The following CACNG2 variants were observed in gnomAD, a reference collection of about 807,000 sequenced individuals.
CACNG2 encodes voltage-dependent calcium channel gamma-2 subunit.
A neutral mutation model predicts 25.9 loss-of-function variants in CACNG2; 3 were observed. That is an observed-to-expected ratio of 0.12 (90% CI 0.05 to 0.30). CACNG2 has a LOEUF of 0.30. Among genes scored for constraint, CACNG2 ranks in the 10% least tolerant of loss-of-function variants. CACNG2 has a pLI of 1.00. For missense variants in CACNG2, 341 were observed against 432.5 expected (o/e 0.79, Z 1.88); for synonymous variants, 167 against 173.3 (o/e 0.96, Z 0.29).
At chr22:36,678,277 G>T (rs1569049491) in intron 1 of CACNG2, among the ~76,000 whole-genome samples, 1 of 152,178 alleles carries the variant, frequency 6.6e-6, no homozygotes, top group East Asian at 1.9e-4. Flanking sequence ...TTTGGGGTAG[G>T]AGGAGGAAAG....
At chr22:36,655,461 A>G (rs1384292399) in intron 1 of CACNG2, among the ~76,000 whole-genome samples, 1 of 152,106 alleles carries the variant, frequency 6.6e-6, no homozygotes, top group African/African-American at 2.4e-5. Flanking sequence ...CTGTATGCCA[A>G]TTTGTTAGTT....
intron 1 of CACNG2, among the ~76,000 whole-genome samples, chr22:36,674,779 G>A (rs75430428): frequency 0.042 from 6,448 of 152,266 alleles, 262 homozygotes; most frequent in African/African-American, 0.095. Context: ...CTGGGAAGAG[G>A]GAGGTAGGGT....
chr22:36,658,898 A>G (rs538743120), intron 1 of CACNG2, among the ~76,000 whole-genome samples: 1 of 151,960 alleles, frequency 6.6e-6, no homozygotes, highest in Middle Eastern at 3.4e-3. Flanking sequence ...GGAGCCTGGT[A>G]TTGGGGTGGG....
chr22:36,693,032 G>C (rs1937285669), intron 1 of CACNG2, among the ~76,000 whole-genome samples: 1 of 152,118 alleles, frequency 6.6e-6, no homozygotes, highest in Non-Finnish European at 1.5e-5. Context: ...TGTAATCCCA[G>C]CTACTCGGGA....
intron 1 of CACNG2, among the ~76,000 whole-genome samples, chr22:36,679,193 CCTTCCTTTCTTT>C (rs1184671241): frequency 0.011 from 527 of 49,140 alleles, 1 homozygote; most frequent in South Asian, 0.035. Context: ...TTCCTTCCTT[CCTTCCTTTCTTT>C]CTTTCTTTCT....
At chr22:36,624,360 C>T (rs1030512317) in intron 1 of CACNG2, among the ~76,000 whole-genome samples, 1 of 152,094 alleles carries the variant, frequency 6.6e-6, no homozygotes, top group Admixed American at 6.5e-5. Flanking sequence ...GTCAGTGCCC[C>T]GAGCCCTGTA....
intron 1 of CACNG2, among the ~76,000 whole-genome samples, 158 bp downstream of exon 1, chr22:36,702,208 C>T (rs762040768): frequency 1.1e-4 from 17 of 151,512 alleles, no homozygotes; most frequent in Non-Finnish European, 1.9e-4. Context: ...GATTTTCTTT[C>T]CTCTGAAACT....
chr22:36,681,859 A>G (rs573566292), intron 1 of CACNG2, among the ~76,000 whole-genome samples: 1 of 152,286 alleles, frequency 6.6e-6, no homozygotes, highest in South Asian at 2.1e-4. Context: ...GATCCAGCCC[A>G]TGGTAGCTGG....
At chr22:36,598,350 G>A (rs1935706169) in intron 1 of CACNG2, among the ~76,000 whole-genome samples, 1 of 152,224 alleles carries the variant, frequency 6.6e-6, no homozygotes, top group Admixed American at 6.5e-5. Context: ...AGGCATGGTG[G>A]TTCATGCCTA....
At position 36,702,835 on chromosome 22, in the gene CACNG2, GT is replaced by G. The variant is rs779839866; in HGVS notation, c.-260del. On this transcript the variant is annotated 5_prime_UTR_variant, in exon 1 of 4. Transcript: ENST00000300105. ...GATCAGAAACTGTTCCAGTTGCAGTGTTTTTTTTTTAAAAAGAAAAGGAAAA... is the reference window on the plus strand; with the variant it reads ...GATCAGAAACTGTTCCAGTTGCAGTGTTTTTTTTTAAAAAGAAAAGGAAAA... 186 of 229,424 alleles carry G rather than the reference GT, an allele frequency of 8.1e-4. No individual in the cohort carries two copies. Among genetic ancestry groups the G allele is most frequent in the Middle Eastern group, 5.4e-3 (4 of 744 alleles). 14.2% of individuals were successfully genotyped at this position (229,424 alleles called of 1,614,324 possible). A position where few individuals can be genotyped will look rare whatever the true frequency, so the allele number is the denominator to read the frequency against.
At chr22:36,645,244 G>T (rs1936501151) in intron 1 of CACNG2, among the ~76,000 whole-genome samples, 1 of 152,140 alleles carries the variant, frequency 6.6e-6, no homozygotes, top group Admixed American at 6.6e-5. Context: ...AAGCAACCGA[G>T]AAATTCTCCA....
intron 1 of CACNG2, among the ~76,000 whole-genome samples, chr22:36,655,808 T>A (rs917777382): frequency 1.3e-5 from 2 of 151,060 alleles, no homozygotes; most frequent in Admixed American, 6.6e-5. Context: ...TTCTTCTTTC[T>A]TTCTTTTTTT....
intron 1 of CACNG2, among the ~76,000 whole-genome samples, chr22:36,590,046 G>A (rs1484559625): frequency 7.9e-5 from 12 of 152,148 alleles, no homozygotes; most frequent in Admixed American, 3.9e-4. Flanking sequence ...GACATGCCCT[G>A]AGGCGTCCCA....
At chr22:36,687,292 T>C (rs1304471401) in intron 1 of CACNG2, among the ~76,000 whole-genome samples, 3 of 152,246 alleles carry the variant, frequency 2.0e-5, no homozygotes, top group Non-Finnish European at 4.4e-5. Flanking sequence ...TTTTGTTTTG[T>C]TTAAGACACT....
In CACNG2 at chr22:36,659,502, AAT is replaced by A. The variant is rs1936757248; in HGVS notation, c.211+42862_211+42863del. Among the ~76,000 whole-genome samples the A allele has an allele frequency of 5.3e-5, 8 of 152,198 alleles. No individual in the cohort carries two copies. The South Asian group carries it at 1.5e-3, about 28-fold the overall frequency. The stretch of plus-strand genomic sequence containing the variant: ...GCAAATTACCTTGCCCAAGTTCATG[AAT>A]CCAGGAAGGGTATGCCGTGGAGTCT... On this transcript the variant is annotated intron_variant, in intron 1 of 3. Coordinates refer to ENST00000300105, the MANE Select transcript of CACNG2 (RefSeq NM_006078.5).
At chr22:36,651,224 C>CTTTTTTTTTT (rs11411019) in intron 1 of CACNG2, among the ~76,000 whole-genome samples, 3 of 83,114 alleles carry the variant, frequency 3.6e-5, no homozygotes, top group African/African-American at 4.7e-5. Context: ...CTTCTTCCTC[C>CTTTTTTTTTT]TTTTTTTTTT....
intron 1 of CACNG2, among the ~76,000 whole-genome samples, chr22:36,630,698 T>A (rs1936254543): frequency 6.6e-6 from 1 of 152,014 alleles, no homozygotes; most frequent in Non-Finnish European, 1.5e-5. Flanking sequence ...GAGCTTCCAG[T>A]GTAGATGTTT....
At chr22:36,614,517 C>G (rs1935995011) in intron 1 of CACNG2, among the ~76,000 whole-genome samples, 1 of 152,144 alleles carries the variant, frequency 6.6e-6, no homozygotes, top group African/African-American at 2.4e-5. Flanking sequence ...CTGTCTCCTC[C>G]ACTGGTGTGA....
intron 1 of CACNG2, among the ~76,000 whole-genome samples, chr22:36,634,417 G>C (rs1936324332): frequency 6.6e-6 from 1 of 152,228 alleles, no homozygotes; most frequent in South Asian, 2.1e-4. Flanking sequence ...CTGTAAGATT[G>C]AAAGGCATAT....
Sources: gnomAD v4.1 joint callset for allele counts (sites outside exome capture counted in the v4.1 genomes callset) on GRCh38, gnomAD v4.1.1 for gene constraint, MANE v1.5 for transcripts, NCBI Gene and HGNC (gene_info 2026-07-23, HGNC 2026-07-21) for gene names.